Variants in GRAMD1C observed in about 807,000 individuals in gnomAD.
The protein encoded by GRAMD1C is GRAM domain containing 1C.
In GRAMD1C, 89 loss-of-function variants were observed where a neutral mutation model predicts 97.8. That is an observed-to-expected ratio of 0.91 (90% CI 0.77 to 1.09). The LOEUF is 1.09. Ranked by LOEUF, GRAMD1C falls within the 50% of genes least tolerant of loss-of-function variation. GRAMD1C has a pLI of 0.00. For missense variants in GRAMD1C, 740 were observed against 766.4 expected, an observed-to-expected ratio of 0.97 and a Z score of 0.41; for synonymous variants, 256 against 267.0, an observed-to-expected ratio of 0.96 and a Z score of 0.40.
chr3:113,935,580 TTTAAG>T (rs1937564041), intron 13 of GRAMD1C, among the ~76,000 whole-genome samples: 1 of 151,794 alleles, frequency 6.6e-6, no homozygotes, highest in Non-Finnish European at 1.5e-5. Context: ...ACAAGCATAA[TTTAAG>T]TTTAGTTGAA....
chr3:113,932,831 A>G (rs546345561), intron 11 of GRAMD1C, among the ~76,000 whole-genome samples: 2 of 151,924 alleles, frequency 1.3e-5, no homozygotes, highest in East Asian at 1.9e-4. Flanking sequence ...TCATTCTCCC[A>G]AGTAGCTGGG....
In GRAMD1C at chr3:113,930,743, C is replaced by G. The variant is rs967560399; in HGVS notation, c.1120C>G (p.Leu374Val). The change falls in exon 11 of 18, where the codon CTT becomes GTT. Residue 374 changes from leucine (L) to valine (V), a missense_variant. By Grantham distance (32) the Leu-to-Val change is conservative. Transcript: ENST00000358160. ...AGTATCTACCCCTTGGACTGCAGAA[C>G]TTGGAGGTGATCAGCTGAGAACGAT... Reference protein sequence around the residue: ...DVVSTPWTAELGGDQLRTMTY... With the variant: ...DVVSTPWTAEVGGDQLRTMTY... The G allele has an allele frequency of 2.5e-6, 4 of 1,608,134 alleles. No homozygotes were observed. The highest frequency in any genetic ancestry group is 2.6e-6 in the Non-Finnish European group (3 of 1,174,830).
Position 113,844,573 on chromosome 3 carries a change from C to A in GRAMD1C, c.98C>A (p.Thr33Asn). ...QEDVEENPSP[T>N]VEENNVVVKK... ...GATGTAGAGGAAAATCCTAGTCCAA[C>A]TGTGGAAGAGAATAATGTGGTAGTT... The change falls in exon 2 of 18, where the codon ACT (threonine) becomes AAT (asparagine). Residue 33 changes from threonine (T) to asparagine (N), a missense_variant. Coordinates refer to ENST00000358160, the MANE Select transcript of GRAMD1C (RefSeq NM_017577.5). 1.2e-6 allele frequency: 2 copies of A among 1,603,510 alleles called. No individual in the cohort carries two copies. Among genetic ancestry groups the A allele is most frequent in the Non-Finnish European group, 1.7e-6 (2 of 1,172,002 alleles).
intron 1 of GRAMD1C, among the ~76,000 whole-genome samples, chr3:113,841,278 T>C (rs1335255529): frequency 9.2e-5 from 5 of 54,260 alleles, no homozygotes; most frequent in African/African-American, 2.7e-4. Flanking sequence ...TACTTCTTTC[T>C]TTCTTTCTTT....
chr3:113,938,063 A>G, intron 14 of GRAMD1C, 23 bp from the exon 15 acceptor site: 1 of 1,334,046 alleles, frequency 7.5e-7, no homozygotes, highest in Non-Finnish European at 1.0e-6. Context: ...ATTCTAATGC[A>G]GCCTTTTTCT....
At chr3:113,900,680 C>T (rs989360295) in intron 6 of GRAMD1C, among the ~76,000 whole-genome samples, 10 of 151,736 alleles carry the variant, frequency 6.6e-5, no homozygotes, top group Middle Eastern at 3.2e-3. Context: ...CCTGCCTCAG[C>T]CTCCCAAAGT....
intron 11 of GRAMD1C, among the ~76,000 whole-genome samples, chr3:113,933,026 A>G (rs1937497679): frequency 6.6e-6 from 1 of 151,974 alleles, no homozygotes; most frequent in Non-Finnish European, 1.5e-5. Context: ...CTGGGATTAC[A>G]GGCATGTGCC....
At chr3:113,832,244 T>C (rs1248138152) in intron 1 of GRAMD1C, among the ~76,000 whole-genome samples, 2 of 152,036 alleles carry the variant, frequency 1.3e-5, no homozygotes, top group African/African-American at 4.8e-5. Flanking sequence ...GCCCGGTTGG[T>C]CTTGAACTCC....
At chr3:113,926,269 T>G (rs769756017) in intron 10 of GRAMD1C, among the ~76,000 whole-genome samples, 1 of 152,228 alleles carries the variant, frequency 6.6e-6, no homozygotes, top group Non-Finnish European at 1.5e-5. Context: ...TTCTTTATTT[T>G]TGTCTCAGTT....
chr3:113,866,835 CTT>C (rs35476705), intron 2 of GRAMD1C, among the ~76,000 whole-genome samples: 1 of 148,352 alleles, frequency 6.7e-6, no homozygotes, highest in Non-Finnish European at 1.5e-5. Context: ...ACCCTTATGT[CTT>C]TTTTTTTTTG....
At chr3:113,934,633 A>G (rs1383662410) in intron 13 of GRAMD1C, 98 bp downstream of exon 13, 4 of 633,842 alleles carry the variant, frequency 6.3e-6, no homozygotes, top group Non-Finnish European at 8.3e-6. Context: ...AAACTGGTCA[A>G]TGATGTTGGA....
chr3:113,849,621 A>C (rs1009796379), intron 2 of GRAMD1C, among the ~76,000 whole-genome samples: 23 of 152,164 alleles, frequency 1.5e-4, no homozygotes, highest in Admixed American at 1.3e-4. Context: ...GTAAGGTCAC[A>C]GATCAACAGG....
intron 10 of GRAMD1C, chr3:113,920,206 A>G (rs1936988071): frequency 1.6e-6 from 2 of 1,249,582 alleles, no homozygotes; most frequent in East Asian, 4.8e-5. Flanking sequence ...TGTGAACTGA[A>G]TAGGAGACCA....
At chr3:113,836,254 ACT>A (rs1315676531), upstream of GRAMD1C, among the ~76,000 whole-genome samples, 2 of 152,112 alleles carry the variant, frequency 1.3e-5, no homozygotes, top group Non-Finnish European at 2.9e-5. Context: ...ACAGAACGAG[ACT>A]CTGTCTCAAA....
Position 113,887,085 on chromosome 3 carries a change from G to GTTTTTTTTT in GRAMD1C, c.540+4255_540+4263dup, listed in dbSNP as rs531763397. On this transcript the variant is annotated intron_variant, in intron 6 of 17. Coordinates refer to ENST00000358160, the MANE Select transcript of GRAMD1C (RefSeq NM_017577.5). ...ATGAGCCACTGCGCCTGGCCTTTTT[G>GTTTTTTTTT]TTTTTTTTTTGTTTTTTTTTTTTTT... Among the ~76,000 whole-genome samples, 26 of 71,434 alleles carry GTTTTTTTTT rather than the reference G, an allele frequency of 3.6e-4. 2 individuals carry two copies. Among genetic ancestry groups the GTTTTTTTTT allele is most frequent in the Middle Eastern group, 0.016 (1 of 62 alleles). The allele number at this position is 71,434 out of a possible 152,430, so 46.9% of individuals were successfully genotyped here.
upstream of GRAMD1C, among the ~76,000 whole-genome samples, chr3:113,836,221 G>A (rs942194187): frequency 6.6e-6 from 1 of 152,094 alleles, no homozygotes; most frequent in African/African-American, 2.4e-5. Flanking sequence ...TCAAGATTGT[G>A]CCACTGCACT....
At chr3:113,888,157 C>G (rs556310437) in intron 6 of GRAMD1C, among the ~76,000 whole-genome samples, 2 of 152,180 alleles carry the variant, frequency 1.3e-5, no homozygotes, top group South Asian at 4.1e-4. Flanking sequence ...GATACCAAAA[C>G]CAGACATCAC....
At chr3:113,843,549 G>A (rs1240024424) in intron 1 of GRAMD1C, among the ~76,000 whole-genome samples, 1 of 151,374 alleles carries the variant, frequency 6.6e-6, no homozygotes. Context: ...GTGTGATCTC[G>A]GCTCACTGCA....
At chr3:113,919,143 T>C in intron 10 of GRAMD1C, 1 of 213,090 alleles carries the variant, frequency 4.7e-6, no homozygotes, top group South Asian at 7.3e-5. Context: ...TTAGGGGTGC[T>C]GAGCAGAAGG....
Sources: allele counts gnomAD v4.1 joint callset (sites outside exome capture counted in the v4.1 genomes callset), GRCh38; gene constraint gnomAD v4.1.1; transcripts MANE v1.5; gene names NCBI Gene and HGNC (gene_info 2026-07-23, HGNC 2026-07-21).